The following EMB variants were observed in gnomAD, a reference collection of about 807,000 sequenced individuals.
EMB encodes the protein embigin.
A neutral mutation model predicts 41.4 loss-of-function variants in EMB; 31 were observed. The observed-to-expected ratio is 0.75, with a 90% CI of 0.56 to 1.01. The LOEUF (loss-of-function observed/expected upper bound fraction) is 1.01. EMB is among the 50% of genes least tolerant of loss of function. The pLI, the probability that EMB is intolerant of heterozygous loss-of-function variation, is 0.00. For synonymous variants in EMB, 137 were observed against 140.4 expected (o/e 0.98, Z 0.17); for missense variants, 379 against 388.3 (o/e 0.98, Z 0.20).
In EMB at chr5:50,410,922, A is replaced by C. The variant is rs764624530; in HGVS notation, c.427T>G (p.Phe143Val). 6.2e-7 allele frequency: 1 copy of C among 1,606,564 alleles called. No individual in the cohort carries two copies. The highest frequency in any genetic ancestry group is 2.2e-5 in the East Asian group (1 of 44,536). The change falls in exon 4 of 9, where the codon TTC becomes GTC. Residue 143 changes from phenylalanine to valine, a missense_variant. By Grantham distance (50) the Phe-to-Val change is conservative. Coordinates refer to ENST00000303221, the MANE Select transcript of EMB (RefSeq NM_198449.3). Reference sequence around the variant, plus strand: ...CTTTGTTCCTTTTCCTCTCGAAAGAAACAAGAATAACTTCCCATTTGTTTG... The same window carrying C: ...CTTTGTTCCTTTTCCTCTCGAAAGACACAAGAATAACTTCCCATTTGTTTG... ...NSKQMGSYSCFFREEKEQRGT... is the reference protein window; with the variant it reads ...NSKQMGSYSCVFREEKEQRGT...
At position 50,423,946 on chromosome 5, in the gene EMB, T is replaced by C. The variant is rs558000328; in HGVS notation, c.196+4198A>G. ...TAAGCCAACTTGTCATCTTGTGCTG[T>C]CGGCTGATTTTCTTCCCTAAATCAA... is the stretch of plus-strand genomic sequence containing the variant. On this transcript the variant is annotated intron_variant, in intron 2 of 8. Transcript: ENST00000303221. Among the ~76,000 whole-genome samples the C allele has an allele frequency of 9.8e-5, 15 of 152,362 alleles. No homozygotes were observed. In the East Asian group the frequency reaches 2.9e-3, roughly 29 times the overall value.
chr5:50,430,049 A>C (rs1203916209), intron 1 of EMB, among the ~76,000 whole-genome samples: 2 of 151,784 alleles, frequency 1.3e-5, no homozygotes, highest in African/African-American at 2.4e-5. Context: ...ACACTGCTTA[A>C]AAGAAAGGCT....
chr5:50,435,463 C>T (rs561534148), intron 1 of EMB, among the ~76,000 whole-genome samples: 1 of 152,184 alleles, frequency 6.6e-6, no homozygotes, highest in African/African-American at 2.4e-5. Flanking sequence ...CACTCTGGAC[C>T]TGTGACAGTC....
intron 2 of EMB, among the ~76,000 whole-genome samples, chr5:50,423,830 T>TA (rs1745565941): frequency 1.3e-5 from 2 of 152,182 alleles, no homozygotes; most frequent in Non-Finnish European, 1.5e-5. Context: ...TTTGCAGGTT[T>TA]AAAAAAATTA....
intron 1 of EMB, among the ~76,000 whole-genome samples, chr5:50,437,276 T>C (rs1745819735): frequency 6.6e-6 from 1 of 151,924 alleles, no homozygotes; most frequent in Non-Finnish European, 1.5e-5. Context: ...GTCTCAAAAA[T>C]TAAATGAATG....
At position 50,405,843 on chromosome 5, in the gene EMB, A is replaced by C; in HGVS notation, c.482T>G (p.Leu161Arg). The C allele has an allele frequency of 1.3e-6, 2 of 1,587,024 alleles. No individual in the cohort carries two copies. The highest frequency in any genetic ancestry group is 2.7e-5 in the African/African-American group (2 of 73,266). Reference sequence around the variant, plus strand: ...GATCAATGGCTTGTTTTTCCCATGAAGTTCAGGGACTGAGAATAAAATAGA... The same window carrying C: ...GATCAATGGCTTGTTTTTCCCATGACGTTCAGGGACTGAGAATAAAATAGA... ...RGTFNFKVPE[L>R]HGKNKPLISY... Residue 161 changes from leucine to arginine, a missense_variant, in exon 5 of 9, where the codon CTT becomes CGT. By Grantham distance (102) the Leu-to-Arg change is moderately radical. Coordinates refer to ENST00000303221, the MANE Select transcript of EMB (RefSeq NM_198449.3).
At chr5:50,414,387 C>G (rs143576624) in intron 2 of EMB, among the ~76,000 whole-genome samples, 6 of 151,514 alleles carry the variant, frequency 4.0e-5, no homozygotes, top group Admixed American at 3.9e-4. Flanking sequence ...ATTAGCCAGG[C>G]TTGGTAGTGC....
intron 1 of EMB, among the ~76,000 whole-genome samples, chr5:50,434,432 C>A (rs1745771140): frequency 6.6e-6 from 1 of 152,178 alleles, no homozygotes; most frequent in Non-Finnish European, 1.5e-5. Flanking sequence ...CCTTCTCTCC[C>A]AAGAACACCC....
At chr5:50,413,198 C>G (rs1016451452) in intron 2 of EMB, among the ~76,000 whole-genome samples, 1 of 152,226 alleles carries the variant, frequency 6.6e-6, no homozygotes, top group Admixed American at 6.5e-5. Context: ...GCTAACCAAA[C>G]AGTAGAGAAA....
intron 1 of EMB, 107 bp from the exon 2 acceptor site, chr5:50,428,334 C>A: frequency 7.9e-7 from 1 of 1,259,168 alleles, no homozygotes; most frequent in South Asian, 1.7e-5. Context: ...TAATGAAAAA[C>A]TGTGTTTTCA....
At chr5:50,406,517 G>GA (rs969798275) in intron 4 of EMB, among the ~76,000 whole-genome samples, 70 of 151,062 alleles carry the variant, frequency 4.6e-4, no homozygotes, top group East Asian at 1.4e-3. Context: ...ACTGAATTTA[G>GA]AAAAAAAATA....
rs995660048 is a variant in EMB at position 50,441,103 on chromosome 5, G to A, written c.49C>T (p.Leu17=). The A allele has an allele frequency of 2.6e-6, 4 of 1,518,374 alleles. No homozygotes were observed. The African/African-American group carries it at 4.2e-5, about 16-fold the overall frequency. The allele number at this position is 1,518,374 out of a possible 1,614,324, so 94.1% of individuals were successfully genotyped here. A position where few individuals can be genotyped will look rare whatever the true frequency, so the allele number is the denominator to read the frequency against. Residue 17 remains leucine, a synonymous_variant, in exon 1 of 9, where the codon CTG becomes TTG. Transcript: ENST00000303221. ...GCGAGAAGGCACTGGAGGAGGAGCA[G>A]CCGGGGCGTACGCGCCCTGGCCTCC... ...LLEARARTPR[L]LLLQCLLAAA...
chr5:50,409,997 G>A, intron 4 of EMB, among the ~76,000 whole-genome samples: 1 of 152,090 alleles, frequency 6.6e-6, no homozygotes, highest in East Asian at 1.9e-4. Context: ...TGAACCATTA[G>A]ATCATGGCAA....
In EMB at chr5:50,403,327, A is replaced by G; in HGVS notation, c.728T>C (p.Leu243Ser). ...ESYWCRALFQ[L>S]GESEEHIELV... is the part of the protein sequence containing the mutation. ...CTCAATGTGTTCTTCACTCTCGCCTAATTGGAATAGTGCACGGCACCAGTA... is the reference window on the plus strand; with the variant it reads ...CTCAATGTGTTCTTCACTCTCGCCTGATTGGAATAGTGCACGGCACCAGTA... The change falls in exon 6 of 9, where the codon TTA (leucine) becomes TCA (serine). Residue 243 changes from leucine (L) to serine (S), a missense_variant. Transcript: ENST00000303221. 1.9e-6 allele frequency: 3 copies of G among 1,612,810 alleles called. No homozygotes were observed. The highest frequency in any genetic ancestry group is 2.2e-5 in the South Asian group (2 of 91,056).
In EMB at chr5:50,434,176, G is replaced by A. The variant is rs186176476; in HGVS notation, c.113-5949C>T. The stretch of plus-strand genomic sequence containing the variant: ...TTTTGGGGTGTACAATTCACCCACC[G>A]CATATGTAGAGGCCAGGGATACTGC... On this transcript the variant is annotated intron_variant, in intron 1 of 8. Coordinates refer to ENST00000303221, the MANE Select transcript of EMB (RefSeq NM_198449.3). 2.4e-4 allele frequency among the ~76,000 whole-genome samples: 37 copies of A among 152,264 alleles called. No homozygotes were observed. The East Asian group carries it at 2.5e-3, about 10-fold the overall frequency.
At chr5:50,441,408 CG>C (rs1162823344), upstream of EMB, 1 of 311,090 alleles carries the variant, frequency 3.2e-6, no homozygotes, top group East Asian at 5.0e-5. Context: ...TGTGCGGTGG[CG>C]GTGCTACTTC....
chr5:50,407,214 A>G (rs1379177419), intron 4 of EMB, among the ~76,000 whole-genome samples: 2 of 151,978 alleles, frequency 1.3e-5, no homozygotes, highest in South Asian at 2.1e-4. Context: ...ATAGGTTCAA[A>G]ATACCAAAAT....
At chr5:50,404,913 TAAG>T (rs942559948) in intron 5 of EMB, among the ~76,000 whole-genome samples, 3 of 151,898 alleles carry the variant, frequency 2.0e-5, no homozygotes, top group African/African-American at 7.3e-5. Flanking sequence ...CAATTTTGCC[TAAG>T]AAGGAATTTA....
In EMB at chr5:50,396,683, C is replaced by G. The variant is rs1301190172; in HGVS notation, c.*2590G>C. 1.3e-5 allele frequency: 2 copies of G among 152,090 alleles called. No homozygotes were observed. The highest frequency in any genetic ancestry group is 4.8e-5 in the African/African-American group (2 of 41,420). 9.4% of individuals were successfully genotyped at this position (152,090 alleles called of 1,614,324 possible). A position where few individuals can be genotyped will look rare whatever the true frequency, so the allele number is the denominator to read the frequency against. On this transcript the variant is annotated 3_prime_UTR_variant, in exon 9 of 9. Coordinates refer to ENST00000303221, the MANE Select transcript of EMB (RefSeq NM_198449.3). Reference sequence around the variant, plus strand: ...TTAAGAAATGGCAAAGGTGAGCCTACAGAGATTCCAAAGTTGCATAGTGAG... The same window carrying G: ...TTAAGAAATGGCAAAGGTGAGCCTAGAGAGATTCCAAAGTTGCATAGTGAG...
Sources: gnomAD v4.1 joint callset for allele counts (sites outside exome capture counted in the v4.1 genomes callset) on GRCh38, gnomAD v4.1.1 for gene constraint, MANE v1.5 for transcripts, NCBI Gene and HGNC (gene_info 2026-07-23, HGNC 2026-07-21) for gene names.